SMYD3: variants seen among roughly 807,000 people sequenced by gnomAD.
SMYD3 encodes histone-lysine N-methyltransferase SMYD3.
A neutral mutation model predicts 57.7 loss-of-function variants in SMYD3; 36 were observed. The ratio of observed to expected loss-of-function variants is 0.62; its 90% confidence interval spans 0.48 to 0.82. SMYD3 has a LOEUF of 0.82. SMYD3 is among the 40% of genes least tolerant of loss of function. The pLI is 0.00. For missense variants in SMYD3, 515 were observed against 538.8 expected (o/e 0.96, Z 0.44); for synonymous variants, 211 against 195.0 (o/e 1.08, Z -0.68).
At chr1:245,993,297 G>A (rs7548294) in intron 5 of SMYD3, among the ~76,000 whole-genome samples, 15,146 of 152,098 alleles carry the variant, frequency 0.1, 939 homozygotes, top group South Asian at 0.23. Context: ...GTCAGGATTC[G>A]AACCTAAGTG....
rs1156393004 is a variant in SMYD3 at position 246,481,607 on chromosome 1, T to TATATAC, written c.164+25446_164+25447insGTATAT. 3.9e-4 allele frequency among the ~76,000 whole-genome samples: 24 copies of TATATAC among 61,946 alleles called. 2 individuals are homozygous for TATATAC. Among genetic ancestry groups the TATATAC allele is most frequent in the Admixed American group, 4.7e-4 (2 of 4,264 alleles). 40.6% of individuals were successfully genotyped at this position (61,946 alleles called of 152,430 possible). On this transcript the variant is annotated intron_variant, in intron 1 of 11. Coordinates refer to ENST00000490107, the MANE Select transcript of SMYD3 (RefSeq NM_001167740.2). ...TTCTCAGGCTCCATATATATATATATACACATACATATATACATACATACA... is the reference window on the plus strand; with the variant it reads ...TTCTCAGGCTCCATATATATATATATATATACACACATACATATATACATACATACA...
At chr1:246,230,873 T>C (rs10924576) in intron 5 of SMYD3, among the ~76,000 whole-genome samples, 31,575 of 152,184 alleles carry the variant, frequency 0.21, 4,000 homozygotes, top group East Asian at 0.58. Context: ...ATGTGGCTAC[T>C]GGTTACCATA....
intron 5 of SMYD3, among the ~76,000 whole-genome samples, chr1:246,170,857 T>C (rs2062317697): frequency 6.6e-6 from 1 of 152,212 alleles, no homozygotes; most frequent in African/African-American, 2.4e-5. Context: ...TTAAAGCTCG[T>C]AGACTTCTTA....
intron 5 of SMYD3, among the ~76,000 whole-genome samples, chr1:246,255,828 C>T (rs75262560): frequency 0.052 from 7,697 of 148,920 alleles, 269 homozygotes; most frequent in Middle Eastern, 0.077. Context: ...AATGTCAGAA[C>T]TCAATACTGT....
intron 10 of SMYD3, among the ~76,000 whole-genome samples, chr1:245,817,133 A>G (rs1421722549): frequency 6.6e-6 from 1 of 151,040 alleles, no homozygotes; most frequent in Non-Finnish European, 1.5e-5. Flanking sequence ...ACCTCTGCAG[A>G]CTTAAGTGTC....
intron 8 of SMYD3, among the ~76,000 whole-genome samples, chr1:245,869,218 C>T (rs981397025): frequency 6.6e-6 from 1 of 152,106 alleles, no homozygotes; most frequent in East Asian, 1.9e-4. Flanking sequence ...ATCAAATATA[C>T]TATTGCTGGA....
chr1:246,318,025 T>C (rs1473274686), intron 5 of SMYD3, among the ~76,000 whole-genome samples: 1 of 152,214 alleles, frequency 6.6e-6, no homozygotes, highest in Non-Finnish European at 1.5e-5. Context: ...TTGAATCTTA[T>C]CATGATATTA....
chr1:245,996,633 C>T (rs2058936727), intron 5 of SMYD3, among the ~76,000 whole-genome samples: 1 of 152,202 alleles, frequency 6.6e-6, no homozygotes, highest in Non-Finnish European at 1.5e-5. Context: ...CACAATACTG[C>T]CTCTAACTTC....
intron 10 of SMYD3, among the ~76,000 whole-genome samples, chr1:245,771,652 A>G (rs2046342934): frequency 6.6e-6 from 1 of 152,230 alleles, no homozygotes; most frequent in Non-Finnish European, 1.5e-5. Context: ...AAGCAAATGT[A>G]GAAACTCAGT....
At chr1:245,839,530 G>A (rs188652321) in intron 10 of SMYD3, among the ~76,000 whole-genome samples, 158 of 152,190 alleles carry the variant, frequency 1.0e-3, no homozygotes, top group African/African-American at 3.4e-3. Flanking sequence ...CTGGGGAGGC[G>A]GGGGCGACAG....
intron 1 of SMYD3, among the ~76,000 whole-genome samples, chr1:246,430,841 G>A (rs933943795): frequency 2.0e-5 from 3 of 152,196 alleles, no homozygotes; most frequent in African/African-American, 7.2e-5. Flanking sequence ...TTAGTGGAAT[G>A]AGCAGAAGAG....
At chr1:245,758,113 G>T (rs2041354420) in intron 11 of SMYD3, among the ~76,000 whole-genome samples, 1 of 152,088 alleles carries the variant, frequency 6.6e-6, no homozygotes, top group Non-Finnish European at 1.5e-5. Context: ...AACTTATTCA[G>T]TTATTCTCAG....
chr1:246,206,322 T>C (rs1381929181), intron 5 of SMYD3, among the ~76,000 whole-genome samples: 1 of 152,066 alleles, frequency 6.6e-6, no homozygotes, highest in Non-Finnish European at 1.5e-5. Context: ...TAAACCAACA[T>C]GAACACTTCT....
intron 1 of SMYD3, among the ~76,000 whole-genome samples, chr1:246,492,789 A>G: frequency 6.6e-6 from 1 of 152,250 alleles, no homozygotes. Context: ...GGATTCCTCC[A>G]GCCCTTTTCC....
chr1:245,992,303 G>A (rs74154343), intron 5 of SMYD3, among the ~76,000 whole-genome samples: 19,660 of 149,576 alleles, frequency 0.13, 1,486 homozygotes, highest in South Asian at 0.22. Flanking sequence ...ACGGCCTGCC[G>A]TCATTTCTAT....
At chr1:246,169,472 TC>T (rs1172998346) in intron 5 of SMYD3, among the ~76,000 whole-genome samples, 1 of 150,128 alleles carries the variant, frequency 6.7e-6, no homozygotes, top group African/African-American at 2.5e-5. Context: ...AAAATAATGT[TC>T]CTGGAGTAGC....
intron 5 of SMYD3, chr1:245,947,369 AG>A: frequency 2.2e-6 from 1 of 457,168 alleles, no homozygotes. Flanking sequence ...GAGACAGAAT[AG>A]AAAAGTAAGC....
At chr1:246,299,335 C>CA (rs1359800650) in intron 5 of SMYD3, among the ~76,000 whole-genome samples, 4 of 151,992 alleles carry the variant, frequency 2.6e-5, no homozygotes, top group Non-Finnish European at 5.9e-5. Context: ...ATTAAAAACT[C>CA]AAAAAATAAC....
intron 9 of SMYD3, among the ~76,000 whole-genome samples, chr1:245,859,259 C>A (rs1215988041): frequency 6.6e-6 from 1 of 152,120 alleles, no homozygotes; most frequent in African/African-American, 2.4e-5. Context: ...GCAACAGTGA[C>A]CCCAGCCTGT....
Sources: gnomAD v4.1 joint callset for allele counts (sites outside exome capture counted in the v4.1 genomes callset) on GRCh38, gnomAD v4.1.1 for gene constraint, MANE v1.5 for transcripts, NCBI Gene and HGNC (gene_info 2026-07-23, HGNC 2026-07-21) for gene names.